Variants in GEN1 observed in about 807,000 individuals in gnomAD.
The protein encoded by GEN1 is flap endonuclease GEN homolog 1.
In GEN1, 64 loss-of-function variants were observed where a neutral mutation model predicts 67.6. The ratio of observed to expected loss-of-function variants is 0.95; its 90% CI spans 0.77 to 1.17. GEN1 has a LOEUF of 1.17. Among genes scored for constraint, GEN1 ranks in the 50% most tolerant of loss-of-function variants. The pLI is 0.00. For missense variants in GEN1, 1,058 were observed against 1,048.3 expected (o/e 1.01, Z -0.13); for synonymous variants, 371 against 359.4 (o/e 1.03, Z -0.37).
At position 17,778,290 on chromosome 2, in the gene GEN1, A is replaced by G. The variant is rs7369618; in HGVS notation, c.1264+227A>G. On this transcript the variant is annotated intron_variant, in intron 12 of 13. Coordinates refer to ENST00000381254, the MANE Select transcript of GEN1 (RefSeq NM_001130009.3). ...TGTACATATATGTATATACACACAC[A>G]TGTGTGTGTACATATATGTATATAC... Among the ~76,000 whole-genome samples the G allele has an allele frequency of 0.03, 1,392 of 46,236 alleles. 118 individuals are homozygous for G. Among genetic ancestry groups the G allele is most frequent in the East Asian group, 0.059 (17 of 286 alleles). 30.3% of individuals were successfully genotyped at this position (46,236 alleles called of 152,430 possible).
intron 13 of GEN1, 24 bp from the exon 14 acceptor site, chr2:17,780,597 T>G: frequency 2.2e-6 from 3 of 1,369,700 alleles, no homozygotes; most frequent in Non-Finnish European, 3.0e-6. Context: ...AAATGTTGAT[T>G]ATATGTATTT....
Position 17,773,132 on chromosome 2 carries a change from G to A in GEN1, c.990G>A (p.Glu330=). ...GTTGTGAGGGATTCCCATTCCATGAGGTAATATCCAGTAATTCAACTCTAT... is the reference window on the plus strand; with the variant it reads ...GTTGTGAGGGATTCCCATTCCATGAAGTAATATCCAGTAATTCAACTCTAT... The part of the protein sequence containing the change: ...ACCCEGFPFH[E]VIQEFLLNKD... The change falls in exon 9 of 14, where the codon GAG becomes GAA. Residue 330 remains glutamate, a splice_region_variant and synonymous_variant. Coordinates refer to ENST00000381254, the MANE Select transcript of GEN1 (RefSeq NM_001130009.3). The A allele has an allele frequency of 4.4e-6, 7 of 1,580,770 alleles. No homozygotes were observed. The highest frequency in any genetic ancestry group is 6.1e-6 in the Non-Finnish European group (7 of 1,152,912).
chr2:17,762,484 G>C (rs1218497783), intron 3 of GEN1, among the ~76,000 whole-genome samples: 1 of 152,074 alleles, frequency 6.6e-6, no homozygotes, highest in African/African-American at 2.4e-5. Flanking sequence ...TGGGATTACA[G>C]GTGTGAGCCC....
At chr2:17,764,837 A>G (rs1227370234) in intron 3 of GEN1, 60 bp from the exon 4 acceptor site, 4 of 1,452,766 alleles carry the variant, frequency 2.8e-6, no homozygotes, top group Admixed American at 4.2e-5. Flanking sequence ...TAGGTTTAAT[A>G]GTAAATAAAT....
In GEN1 at chr2:17,781,291, C is replaced by A. The variant is rs764385446; in HGVS notation, c.2079C>A (p.Val693=). The A allele has an allele frequency of 4.3e-6, 7 of 1,613,582 alleles. No individual in the cohort carries two copies. The African/African-American group carries it at 9.3e-5, about 22-fold the overall frequency. ...SYPQDNLQPD[V]NLKTLSILSV... Reference sequence around the variant, plus strand: ...CTCAGGATAATCTACAACCAGATGTCAACCTGAAAACTTTGTCCATACTTA... The same window carrying A: ...CTCAGGATAATCTACAACCAGATGTAAACCTGAAAACTTTGTCCATACTTA... The change falls in exon 14 of 14, where the codon GTC becomes GTA. Residue 693 remains valine (V), a synonymous_variant. Coordinates refer to ENST00000381254, the MANE Select transcript of GEN1 (RefSeq NM_001130009.3).
chr2:17,775,981 T>G (rs571163394), intron 11 of GEN1, among the ~76,000 whole-genome samples: 1 of 151,880 alleles, frequency 6.6e-6, no homozygotes, highest in South Asian at 2.1e-4. Flanking sequence ...CCAGGCGTGG[T>G]GGAGAGCACC....
Position 17,762,327 on chromosome 2 carries a change from G to A in GEN1, c.348+745G>A, listed in dbSNP as rs182722222. On this transcript the variant is annotated intron_variant, in intron 3 of 13. Transcript: ENST00000381254. ...CACCATTTTCCTGCCTCAGCCTCCC[G>A]AGTAGCTGGGACTACAGGCGCCCGC... 7.2e-3 allele frequency among the ~76,000 whole-genome samples: 1,082 copies of A among 149,480 alleles called. 10 individuals carry two copies. Among genetic ancestry groups the A allele is most frequent in the South Asian group, 0.025 (115 of 4,670 alleles).
At chr2:17,775,999 C>G (rs2125156306) in intron 11 of GEN1, among the ~76,000 whole-genome samples, 1 of 151,546 alleles carries the variant, frequency 6.6e-6, no homozygotes, top group East Asian at 1.9e-4. Flanking sequence ...ACCTGTGATC[C>G]CAGCTACTTG....
At chr2:17,772,443 T>C (rs759522575) in intron 7 of GEN1, among the ~76,000 whole-genome samples, 191 bp from the exon 8 acceptor site, 4 of 152,062 alleles carry the variant, frequency 2.6e-5, no homozygotes, top group Non-Finnish European at 4.4e-5. Flanking sequence ...GCTCAAGATC[T>C]ACTTGAGCCC....
chr2:17,776,132 AAAAAG>A (rs1300386529), intron 11 of GEN1, among the ~76,000 whole-genome samples: 5 of 151,826 alleles, frequency 3.3e-5, no homozygotes, highest in South Asian at 2.1e-4. Flanking sequence ...AAAAAAAAAA[AAAAAG>A]GAAAGTTTAA....
At chr2:17,754,101 T>G (rs1458002455), upstream of GEN1, 1 of 152,114 alleles carries the variant, frequency 6.6e-6, no homozygotes, top group Non-Finnish European at 1.5e-5. Context: ...AAGGGGTCAG[T>G]CACTTCCCGG....
chr2:17,764,084 C>A (rs746668840), intron 3 of GEN1, among the ~76,000 whole-genome samples: 5 of 152,154 alleles, frequency 3.3e-5, no homozygotes, highest in Non-Finnish European at 5.9e-5. Flanking sequence ...AGCTACCCAG[C>A]GGGGTTAAAT....
intron 12 of GEN1, 146 bp downstream of exon 12, chr2:17,778,209 T>TATATGTATACACACACATATGTGTGTAC (rs1158963140): frequency 1.4e-4 from 32 of 229,896 alleles, no homozygotes; most frequent in African/African-American, 5.6e-4. Context: ...TATATGTGTA[T>TATATGTATACACACACATATGTGTGTAC]ATATATGTAT....
intron 3 of GEN1, among the ~76,000 whole-genome samples, chr2:17,764,351 T>C (rs1166537215): frequency 1.3e-5 from 2 of 152,242 alleles, no homozygotes; most frequent in Non-Finnish European, 2.9e-5. Context: ...AGAAAAATTA[T>C]TGAAGTCTTC....
rs540781062 is a variant in GEN1, at chr2:17,780,832, A to G, written c.1620A>G (p.Ala540=). Residue 540 remains alanine (A), a synonymous_variant, in exon 14 of 14, where the codon GCA becomes GCG. Coordinates refer to ENST00000381254, the MANE Select transcript of GEN1 (RefSeq NM_001130009.3). Reference sequence around the variant, plus strand: ...CTAAAAATACTCCATGTTTGAATGCACAAGAACAGTTCATGTCTTCTCTAA... The same window carrying G: ...CTAAAAATACTCCATGTTTGAATGCGCAAGAACAGTTCATGTCTTCTCTAA... The part of the protein sequence containing the change: ...LLPKNTPCLN[A]QEQFMSSLRP... 3 of 1,614,004 alleles carry G rather than the reference A, an allele frequency of 1.9e-6. No homozygotes were observed. In the South Asian group the frequency reaches 3.3e-5, roughly 18 times the overall value.
Position 17,763,141 on chromosome 2 carries a change from GTTTTTC to G in GEN1, c.348+1565_348+1570del, listed in dbSNP as rs530879886. ...CTTCTATCATATTTGCTTTGAATTT[GTTTTTC>G]TTTTTAATTTTAGTTAAAAAATTAT... On this transcript the variant is annotated intron_variant, in intron 3 of 13. Transcript: ENST00000381254. 4.2e-3 allele frequency among the ~76,000 whole-genome samples: 636 copies of G among 152,020 alleles called. 7 individuals carry two copies. Among genetic ancestry groups the G allele is most frequent in the African/African-American group, 0.014 (594 of 41,482 alleles).
rs1306495907 is a variant in GEN1 at position 17,783,481 on chromosome 2, C to G, written c.*1542C>G. On this transcript the variant is annotated 3_prime_UTR_variant, in exon 14 of 14. Transcript: ENST00000381254. Reference sequence around the variant, plus strand: ...AGGTTAAATGTAATTCCCATTAATTCCAGCTGGTTTCTTTGCTGATTCTAA... The same window carrying G: ...AGGTTAAATGTAATTCCCATTAATTGCAGCTGGTTTCTTTGCTGATTCTAA... 2.0e-5 allele frequency: 3 copies of G among 152,146 alleles called. No homozygotes were observed. Among genetic ancestry groups the G allele is most frequent in the Non-Finnish European group, 4.4e-5 (3 of 68,030 alleles). 9.4% of individuals were successfully genotyped at this position (152,146 alleles called of 1,614,324 possible).
chr2:17,769,467 T>C (rs1672086550), intron 6 of GEN1, among the ~76,000 whole-genome samples: 1 of 152,204 alleles, frequency 6.6e-6, no homozygotes, highest in South Asian at 2.1e-4. Context: ...ATGGGCATTT[T>C]GCCACTAGCT....
chr2:17,774,429 T>C (rs768894877), intron 11 of GEN1, 28 bp downstream of exon 11: 11 of 1,543,484 alleles, frequency 7.1e-6, no homozygotes, highest in Non-Finnish European at 9.6e-6. Context: ...ATGGTGAAGG[T>C]GGTGTTTTTA....
Sources: allele counts gnomAD v4.1 joint callset (sites outside exome capture counted in the v4.1 genomes callset), GRCh38; gene constraint gnomAD v4.1.1; transcripts MANE v1.5; gene names NCBI Gene and HGNC (gene_info 2026-07-23, HGNC 2026-07-21).